Variants in TMEM266 observed in about 807,000 individuals in gnomAD.
TMEM266 encodes the protein transmembrane protein 266, also known as Hv1 related protein 1.
TMEM266 carries 33 observed loss-of-function variants against 50.5 expected under a neutral mutation model. The observed-to-expected ratio is 0.65, with a 90% CI of 0.50 to 0.87. The LOEUF (loss-of-function observed/expected upper bound fraction) is 0.87, where lower values mean the gene tolerates loss of function less well. TMEM266 is among the 40% of genes least tolerant of loss of function. The probability of loss-of-function intolerance (pLI) is 0.00; values close to 1 mark genes in which losing one functional copy is unlikely to be tolerated. For missense variants in TMEM266, 655 were observed against 695.1 expected (o/e 0.94, Z 0.65); for synonymous variants, 310 against 292.3 (o/e 1.06, Z -0.62).
In TMEM266 at chr15:76,161,228, A is replaced by G. The variant is rs937809763; in HGVS notation, c.456+1060A>G. Among the ~76,000 whole-genome samples the G allele has an allele frequency of 6.6e-6, 1 of 152,202 alleles. No homozygotes were observed. Among genetic ancestry groups the G allele is most frequent in the Non-Finnish European group, 1.5e-5 (1 of 68,036 alleles). ...CATGGCTCAGGAAACCCTCAGGGAA[A>G]GGCAGGAACGAGGGAGGCACAGCAC... On this transcript the variant is annotated intron_variant, in intron 5 of 10. Transcript: ENST00000388942. This position sits in a 1 kb window ranked among gnomAD's most constrained non-coding sequence, Gnocchi z 4.1.
intron 1 of TMEM266, among the ~76,000 whole-genome samples, chr15:76,114,782 C>T (rs1049024409): frequency 2.0e-5 from 3 of 152,004 alleles, no homozygotes; most frequent in African/African-American, 4.8e-5. Flanking sequence ...TATTTAGTTC[C>T]GAAACATTTT....
chr15:76,202,275 G>T lies in TMEM266; in HGVS notation c.1021+11G>T. The stretch of plus-strand genomic sequence containing the variant: ...ATGGGCCCAGCAGTGGTAAGTCTGG[G>T]TTGGGGCTGTTCTACATGTGCCACA... On this transcript the variant is annotated intron_variant, in intron 10 of 10. Coordinates refer to ENST00000388942, the MANE Select transcript of TMEM266 (RefSeq NM_152335.3). 1 of 1,611,162 alleles carries T rather than the reference G, an allele frequency of 6.2e-7. No individual in the cohort carries two copies. The highest frequency in any genetic ancestry group is 8.5e-7 in the Non-Finnish European group (1 of 1,178,160).
chr15:76,166,821 A>T (rs2038104673), intron 5 of TMEM266, among the ~76,000 whole-genome samples: 1 of 152,204 alleles, frequency 6.6e-6, no homozygotes. Context: ...GCGGGTACAG[A>T]GTTTCAGTTT....
At chr15:76,108,717 T>A (rs1270637178) in intron 1 of TMEM266, among the ~76,000 whole-genome samples, 3 of 152,166 alleles carry the variant, frequency 2.0e-5, no homozygotes, top group African/African-American at 7.2e-5. Flanking sequence ...AGCATTGATG[T>A]AGTAGAAGGT....
chr15:76,137,651 G>T, intron 2 of TMEM266, 56 bp from the exon 3 acceptor site: 2 of 1,542,206 alleles, frequency 1.3e-6, no homozygotes, highest in Admixed American at 1.7e-5. Flanking sequence ...AGGAATGGAA[G>T]AATTTTTTGG....
chr15:76,060,497 G>A (rs991415946), intron 1 of TMEM266, among the ~76,000 whole-genome samples: 2 of 146,404 alleles, frequency 1.4e-5, no homozygotes, highest in Non-Finnish European at 2.9e-5. Flanking sequence ...CCACTTCCTA[G>A]TGGGCTTCCC....
chr15:76,071,994 G>C (rs989520421), intron 1 of TMEM266, among the ~76,000 whole-genome samples: 2 of 152,054 alleles, frequency 1.3e-5, no homozygotes, highest in Non-Finnish European at 2.9e-5. Flanking sequence ...GTCTGTCAAA[G>C]TTATCATCAA....
chr15:76,083,477 C>T (rs995887007), intron 1 of TMEM266, among the ~76,000 whole-genome samples: 1 of 152,070 alleles, frequency 6.6e-6, no homozygotes, highest in South Asian at 2.1e-4. Context: ...TTCTGTTTCT[C>T]GAACAGTCCC....
intron 4 of TMEM266, among the ~76,000 whole-genome samples, chr15:76,157,462 C>A (rs945258184): frequency 1.3e-5 from 2 of 152,144 alleles, no homozygotes; most frequent in Admixed American, 1.3e-4. Flanking sequence ...CTTAGTTTCA[C>A]GTTAAACCTT....
At chr15:76,113,367 T>C (rs1301953523) in intron 1 of TMEM266, 2 of 152,300 alleles carry the variant, frequency 1.3e-5, no homozygotes, top group East Asian at 3.9e-4. Context: ...GAGAATTCCA[T>C]AAGCAGAGGC....
At position 76,204,952 on chromosome 15, in the gene TMEM266, G is replaced by C. The variant is rs528088217; in HGVS notation, c.*637G>C. On this transcript the variant is annotated 3_prime_UTR_variant, in exon 11 of 11. Transcript: ENST00000388942. ...ACCTTGGCTTTAATAATAAAAACCAGCTGCACTGAGACTCCCAGTTGGTGG... is the reference window on the plus strand; with the variant it reads ...ACCTTGGCTTTAATAATAAAAACCACCTGCACTGAGACTCCCAGTTGGTGG... The C allele has an allele frequency of 6.6e-6, 1 of 151,558 alleles. No homozygotes were observed. Among genetic ancestry groups the C allele is most frequent in the South Asian group, 2.1e-4 (1 of 4,764 alleles). The allele number at this position is 151,558 out of a possible 1,614,324, so 9.4% of individuals were successfully genotyped here. A position where few individuals can be genotyped will look rare whatever the true frequency, so the allele number is the denominator to read the frequency against.
chr15:76,203,988 C>A lies in TMEM266; in HGVS notation c.1269C>A (p.Gly423=). The stretch of plus-strand genomic sequence containing the variant: ...GCGAGGAGCCGTCCTCTGAGCCCGG[C>A]CCTTCTCCCCCGCCGCTGCCATCCC... Residue 423 remains glycine, a synonymous_variant, in exon 11 of 11, where the codon GGC becomes GGA. Coordinates refer to ENST00000388942, the MANE Select transcript of TMEM266 (RefSeq NM_152335.3). 1 of 1,608,446 alleles carries A rather than the reference C, an allele frequency of 6.2e-7. No individual in the cohort carries two copies.
intron 1 of TMEM266, among the ~76,000 whole-genome samples, chr15:76,123,909 C>T (rs552984355): frequency 1.2e-3 from 177 of 152,254 alleles, no homozygotes; most frequent in African/African-American, 3.8e-3. Context: ...GACGGGGTTT[C>T]GCCATGTCGG....
rs1451556212 is a variant in TMEM266 at position 76,204,513 on chromosome 15, T to C, written c.*198T>C. 1 of 508,790 alleles carries C rather than the reference T, an allele frequency of 2.0e-6. No individual in the cohort carries two copies. The highest frequency in any genetic ancestry group is 1.9e-5 in the African/African-American group (1 of 52,002). The allele number at this position is 508,790 out of a possible 1,614,324, so 31.5% of individuals were successfully genotyped here. ...CTCAAAGCCCAGAGCTGGCGCCTCT[T>C]CTCGCCCTGCTCAGGGGAGGGTGGT... is the stretch of plus-strand genomic sequence containing the variant. On this transcript the variant is annotated 3_prime_UTR_variant, in exon 11 of 11. Transcript: ENST00000388942.
chr15:76,094,003 T>C (rs2036889581), intron 1 of TMEM266, among the ~76,000 whole-genome samples: 1 of 152,088 alleles, frequency 6.6e-6, no homozygotes, highest in African/African-American at 2.4e-5. Context: ...TCTTTCTGGG[T>C]TCTGTATGTT....
chr15:76,130,834 A>T (rs1041694025), intron 1 of TMEM266, among the ~76,000 whole-genome samples: 3 of 152,076 alleles, frequency 2.0e-5, no homozygotes, highest in South Asian at 2.1e-4. Flanking sequence ...ATTAAAAAAA[A>T]TTTTTCATAA....
chr15:76,198,724 G>C (rs1008475867), intron 9 of TMEM266, among the ~76,000 whole-genome samples: 7 of 152,256 alleles, frequency 4.6e-5, no homozygotes, highest in African/African-American at 1.4e-4. Context: ...TGCCCTCCAA[G>C]GCCCTTGGTC....
intron 3 of TMEM266, among the ~76,000 whole-genome samples, chr15:76,142,183 G>A (rs1240043209): frequency 6.6e-6 from 1 of 152,242 alleles, no homozygotes; most frequent in Non-Finnish European, 1.5e-5. Context: ...GAGGTCAGCA[G>A]TTCAAGAGCA....
At chr15:76,170,136 A>C (rs1326700842) in intron 6 of TMEM266, among the ~76,000 whole-genome samples, 4 of 143,378 alleles carry the variant, frequency 2.8e-5, no homozygotes, top group Admixed American at 1.4e-4. Flanking sequence ...AATTTGAATC[A>C]ATTTGAAAAG....
Sources: allele counts gnomAD v4.1 joint callset (sites outside exome capture counted in the v4.1 genomes callset), GRCh38; gene constraint gnomAD v4.1.1; non-coding constraint Gnocchi (gnomAD v3.1); transcripts MANE v1.5; gene names NCBI Gene and HGNC (gene_info 2026-07-23, HGNC 2026-07-21).